The following ULK2 variants were observed in gnomAD, a reference collection of about 807,000 sequenced individuals.
The protein encoded by ULK2 is serine/threonine-protein kinase ULK2.
A neutral mutation model predicts 127.5 loss-of-function variants in ULK2; 76 were observed. That is an observed-to-expected ratio of 0.60 (90% CI 0.50 to 0.72). The LOEUF (loss-of-function observed/expected upper bound fraction) is 0.72, where lower values mean the gene tolerates loss of function less well. Ranked by LOEUF, ULK2 falls within the 30% of genes least tolerant of loss-of-function variation. ULK2 has a pLI of 0.00. For synonymous variants in ULK2, 452 were observed against 461.9 expected (o/e 0.98, Z 0.28); for missense variants, 1,144 against 1,295.9 (o/e 0.88, Z 1.80).
At position 19,837,846 on chromosome 17, in the gene ULK2, T is replaced by C. The variant is rs534039705; in HGVS notation, c.787+655A>G. On this transcript the variant is annotated intron_variant, in intron 10 of 26. Coordinates refer to ENST00000395544, the MANE Select transcript of ULK2 (RefSeq NM_014683.4). ...CTGATTAGTCTCCCAGCTTCTGCTCTTCCCCTTACATGCACACAGTCTATT... is the reference window on the plus strand; with the variant it reads ...CTGATTAGTCTCCCAGCTTCTGCTCCTCCCCTTACATGCACACAGTCTATT... 2.6e-5 allele frequency among the ~76,000 whole-genome samples: 4 copies of C among 152,342 alleles called. No individual in the cohort carries two copies. The East Asian group carries it at 7.7e-4, about 29-fold the overall frequency.
At chr17:19,851,113 G>A (rs2042004530) in intron 3 of ULK2, among the ~76,000 whole-genome samples, 1 of 146,426 alleles carries the variant, frequency 6.8e-6, no homozygotes, top group African/African-American at 2.5e-5. Context: ...AGGAGTTCGA[G>A]ACCAGCTTGG....
intron 10 of ULK2, among the ~76,000 whole-genome samples, chr17:19,828,074 A>G (rs2041340910): frequency 6.6e-6 from 1 of 152,232 alleles, no homozygotes; most frequent in African/African-American, 2.4e-5. Context: ...CCAATTTCCC[A>G]TCAAAAATCT....
chr17:19,849,561 C>T (rs1448207173), intron 4 of ULK2, among the ~76,000 whole-genome samples, 156 bp from the exon 5 acceptor site: 1 of 151,512 alleles, frequency 6.6e-6, no homozygotes. Context: ...TTTTATATTC[C>T]TTGAGTAGAA....
At chr17:19,840,172 C>A in intron 9 of ULK2, 1 of 475,268 alleles carries the variant, frequency 2.1e-6, no homozygotes, top group Non-Finnish European at 4.3e-6. Flanking sequence ...ACTGTGCCCC[C>A]GACCCTCAAC....
intron 3 of ULK2, among the ~76,000 whole-genome samples, chr17:19,862,023 T>C (rs1344416330): frequency 6.6e-6 from 1 of 152,214 alleles, no homozygotes; most frequent in African/African-American, 2.4e-5. Context: ...AGTTAAATAA[T>C]CAAAAATATG....
At position 19,867,737 on chromosome 17, in the gene ULK2, C is replaced by T. The variant is rs1480099340; in HGVS notation, c.-320G>A. The stretch of plus-strand genomic sequence containing the variant: ...TCACCGTCACTGTGCGCGCCCAGAG[C>T]CGCACACGCGCTCTGAGGCAGTGAG... On this transcript the variant is annotated 5_prime_UTR_variant, in exon 1 of 27. Transcript: ENST00000395544. The T allele has an allele frequency of 4.8e-5, 8 of 167,950 alleles. No homozygotes were observed. In the East Asian group the frequency reaches 6.7e-4, roughly 14 times the overall value. The allele number at this position is 167,950 out of a possible 1,614,324, so 10.4% of individuals were successfully genotyped here.
chr17:19,854,214 G>A (rs973482255), intron 3 of ULK2, among the ~76,000 whole-genome samples: 2 of 150,128 alleles, frequency 1.3e-5, no homozygotes, highest in Non-Finnish European at 1.5e-5. Flanking sequence ...GAAGACGAAG[G>A]TTGCAGTGAG....
chr17:19,827,260 T>C (rs2152393320), intron 10 of ULK2, among the ~76,000 whole-genome samples: 1 of 152,290 alleles, frequency 6.6e-6, no homozygotes, highest in South Asian at 2.1e-4. Flanking sequence ...TTCACAAACC[T>C]TATCTGAGGA....
Position 19,846,724 on chromosome 17 carries a change from C to A in ULK2, c.469+13G>T, listed in dbSNP as rs118033098. Reference sequence around the variant, plus strand: ...AAAATGTCCTTTCCATGACACAATACATGGCCATTTACCTATTTTGATGCG... The same window carrying A: ...AAAATGTCCTTTCCATGACACAATAAATGGCCATTTACCTATTTTGATGCG... On this transcript the variant is annotated intron_variant, in intron 6 of 26. Coordinates refer to ENST00000395544, the MANE Select transcript of ULK2 (RefSeq NM_014683.4). The A allele has an allele frequency of 1.6e-5, 25 of 1,586,532 alleles. No homozygotes were observed. Among genetic ancestry groups the A allele is most frequent in the Non-Finnish European group, 2.1e-5 (25 of 1,166,486 alleles).
At chr17:19,857,607 G>C (rs151192635) in intron 3 of ULK2, among the ~76,000 whole-genome samples, 162 of 152,294 alleles carry the variant, frequency 1.1e-3, no homozygotes, top group African/African-American at 3.5e-3. Context: ...AAATTACCAA[G>C]AGGTAGATAT....
intron 10 of ULK2, among the ~76,000 whole-genome samples, chr17:19,828,936 T>C (rs1489621606): frequency 1.3e-5 from 2 of 152,064 alleles, no homozygotes; most frequent in African/African-American, 4.8e-5. Context: ...AAAAATTAGC[T>C]AGGCATGGTG....
rs1347303022 is a variant in ULK2 at position 19,774,266 on chromosome 17, C to T, written c.*2083G>A. 6.6e-6 allele frequency: 1 copy of T among 152,598 alleles called. No individual in the cohort carries two copies. Among genetic ancestry groups the T allele is most frequent in the African/African-American group, 2.4e-5 (1 of 41,434 alleles). The allele number at this position is 152,598 out of a possible 1,614,324, so 9.5% of individuals were successfully genotyped here. ...ATTATTCATGAATTTACATTTTGTT[C>T]TTTTCTGCTGTTGAGACTTCACTGT... is the stretch of plus-strand genomic sequence containing the variant. On this transcript the variant is annotated 3_prime_UTR_variant, in exon 27 of 27. Coordinates refer to ENST00000395544, the MANE Select transcript of ULK2 (RefSeq NM_014683.4).
intron 1 of ULK2, among the ~76,000 whole-genome samples, chr17:19,866,469 C>T (rs762045443): frequency 2.9e-4 from 44 of 151,940 alleles, no homozygotes; most frequent in Non-Finnish European, 5.7e-4. Flanking sequence ...GATCTCGCCA[C>T]GGCACTCCAG....
intron 2 of ULK2, 27 bp from the exon 3 acceptor site, chr17:19,864,871 T>G (rs751877677): frequency 1.8e-6 from 2 of 1,128,206 alleles, no homozygotes; most frequent in East Asian, 5.5e-5. Context: ...GAATGAAAAA[T>G]ATGTAAGTAT....
At chr17:19,808,474 C>G (rs997368033) in intron 14 of ULK2, among the ~76,000 whole-genome samples, 9 of 152,036 alleles carry the variant, frequency 5.9e-5, no homozygotes, top group Non-Finnish European at 8.8e-5. Context: ...TCAAAGGACA[C>G]AAAGAGTCAA....
intron 15 of ULK2, among the ~76,000 whole-genome samples, chr17:19,802,230 T>A (rs145971510): frequency 6.6e-6 from 1 of 152,226 alleles, no homozygotes. Flanking sequence ...CTTTTCACCA[T>A]GTTTTAACAC....
At chr17:19,804,654 A>T (rs1217380305) in intron 15 of ULK2, 39 bp downstream of exon 15, 4 of 1,536,332 alleles carry the variant, frequency 2.6e-6, no homozygotes, top group Non-Finnish European at 3.5e-6. Context: ...TTTAAAGGAG[A>T]TGAAAAAGAA....
In ULK2 at chr17:19,831,144, G is replaced by A. The variant is rs373243753; in HGVS notation, c.788-4958C>T. On this transcript the variant is annotated intron_variant, in intron 10 of 26. Transcript: ENST00000395544. ...TTACAATCATGGCAGAAGGTGAAGG[G>A]GAAGCAAGCATGTCTTACCATTGCA... Among the ~76,000 whole-genome samples, 376 of 152,188 alleles carry A rather than the reference G, an allele frequency of 2.5e-3. 13 individuals carry two copies. The South Asian group carries it at 0.076, about 31-fold the overall frequency.
At chr17:19,864,761 A>G in intron 3 of ULK2, 42 bp downstream of exon 3, 1 of 965,770 alleles carries the variant, frequency 1.0e-6, no homozygotes, top group Non-Finnish European at 1.4e-6. Context: ...TGAAATTAAA[A>G]AAAATTTATT....
Sources: gnomAD v4.1 joint callset for allele counts (sites outside exome capture counted in the v4.1 genomes callset) on GRCh38, gnomAD v4.1.1 for gene constraint, MANE v1.5 for transcripts, NCBI Gene and HGNC (gene_info 2026-07-23, HGNC 2026-07-21) for gene names.